Variants in RANBP2 observed in about 807,000 individuals in gnomAD.
RANBP2 encodes RAN binding protein 2, also known as E3 SUMO-protein ligase RanBP2.
A neutral mutation model predicts 303.6 loss-of-function variants in RANBP2; 57 were observed. The ratio of observed to expected loss-of-function variants is 0.19; its 90% CI spans 0.15 to 0.23. The LOEUF is 0.23. Among genes scored for constraint, RANBP2 ranks in the 10% least tolerant of loss-of-function variants. The pLI is 1.00. For synonymous variants in RANBP2, 1,167 were observed against 1,301.5 expected (o/e 0.90, Z 2.23); for missense variants, 3,138 against 3,780.8 (o/e 0.83, Z 4.46).
At chr2:109,407,460 A>T in the RANBP2 span, among the ~76,000 whole-genome samples, 1 of 152,148 alleles carries the variant, frequency 6.6e-6, no homozygotes, top group Non-Finnish European at 1.5e-5. Flanking sequence ...GGGTCTTATT[A>T]TCTCTGCCAC....
chr2:109,251,512 T>C, the RANBP2 span: 12 of 742,444 alleles, frequency 1.6e-5, no homozygotes, highest in Admixed American at 1.6e-4. Context: ...CCAAGGAATA[T>C]TGTGGTCATT....
At chr2:108,748,813 T>C (rs1451889291) in intron 8 of RANBP2, 107 bp from the exon 9 acceptor site, 37 of 1,604,800 alleles carry the variant, frequency 2.3e-5, no homozygotes, top group Non-Finnish European at 2.8e-5. Flanking sequence ...GAGGGTTAGG[T>C]ATGCAGTAAT....
the RANBP2 span, among the ~76,000 whole-genome samples, chr2:109,107,839 G>A: frequency 1.3e-5 from 2 of 151,698 alleles, no homozygotes; most frequent in African/African-American, 2.4e-5. Flanking sequence ...GGGTTCCAGC[G>A]ATTCTCCTGC....
the RANBP2 span, among the ~76,000 whole-genome samples, chr2:109,727,253 G>T: frequency 6.6e-6 from 1 of 152,316 alleles, no homozygotes; most frequent in Non-Finnish European, 1.5e-5. Context: ...CTATGGGGTA[G>T]TCTACCCCAT....
chr2:109,081,032 T>A, the RANBP2 span, among the ~76,000 whole-genome samples: 1 of 152,238 alleles, frequency 6.6e-6, no homozygotes, highest in Non-Finnish European at 1.5e-5. Context: ...TGCATGGCCA[T>A]GCAGCACTTG....
At chr2:109,360,621 A>C in the RANBP2 span, among the ~76,000 whole-genome samples, 24 of 152,340 alleles carry the variant, frequency 1.6e-4, no homozygotes, top group African/African-American at 5.0e-4. Context: ...AATAAAAGAT[A>C]CTCAGCCTGT....
At chr2:109,039,562 G>T in the RANBP2 span, among the ~76,000 whole-genome samples, 1 of 152,234 alleles carries the variant, frequency 6.6e-6, no homozygotes, top group East Asian at 1.9e-4. Context: ...TGTTGGCCAG[G>T]ATGGTCTCGA....
the RANBP2 span, among the ~76,000 whole-genome samples, chr2:109,390,393 T>G: frequency 1.3e-5 from 2 of 152,210 alleles, no homozygotes; most frequent in Admixed American, 6.5e-5. Flanking sequence ...CTCCTGGTAC[T>G]TTTATGGACT....
the RANBP2 span, among the ~76,000 whole-genome samples, chr2:108,830,422 CAA>C: frequency 5.3e-5 from 8 of 152,184 alleles, no homozygotes; most frequent in South Asian, 1.0e-3. Flanking sequence ...GATTTTCCAA[CAA>C]AGTGTCAATT....
the RANBP2 span, among the ~76,000 whole-genome samples, chr2:109,689,178 A>G: frequency 6.6e-6 from 1 of 152,094 alleles, no homozygotes; most frequent in African/African-American, 2.4e-5. Context: ...AAGTGCTGAG[A>G]TTACAGGCGT....
chr2:109,037,320 T>C, the RANBP2 span, among the ~76,000 whole-genome samples: 2 of 123,022 alleles, frequency 1.6e-5, no homozygotes, highest in African/African-American at 6.7e-5. Context: ...CAAGACCATG[T>C]CTCAAAAAAA....
chr2:109,550,079 T>C, the RANBP2 span, among the ~76,000 whole-genome samples: 1 of 151,756 alleles, frequency 6.6e-6, no homozygotes, highest in Non-Finnish European at 1.5e-5. Flanking sequence ...TAACGTGAGG[T>C]CAGGAGTTCG....
chr2:108,961,826 C>G, the RANBP2 span, among the ~76,000 whole-genome samples: 1 of 152,120 alleles, frequency 6.6e-6, no homozygotes, highest in Non-Finnish European at 1.5e-5. Flanking sequence ...GGGAGGGAGA[C>G]CCTTGCTTCA....
chr2:109,309,907 C>A, the RANBP2 span, among the ~76,000 whole-genome samples: 2 of 120,602 alleles, frequency 1.7e-5, 1 homozygote, highest in African/African-American at 8.6e-5. Flanking sequence ...CTTTAACACC[C>A]CACTGTCAAC....
At chr2:109,044,242 C>T in the RANBP2 span, among the ~76,000 whole-genome samples, 112 of 152,032 alleles carry the variant, frequency 7.4e-4, no homozygotes, top group African/African-American at 2.6e-3. Context: ...AAAGTAATAC[C>T]GGGCGCGGTG....
the RANBP2 span, among the ~76,000 whole-genome samples, chr2:109,028,871 G>C: frequency 1.3e-5 from 2 of 152,178 alleles, no homozygotes; most frequent in African/African-American, 4.8e-5. Context: ...GGGACTGTGA[G>C]GGCCAACTGA....
At chr2:109,721,869 G>C in the RANBP2 span, among the ~76,000 whole-genome samples, 3 of 152,288 alleles carry the variant, frequency 2.0e-5, no homozygotes, top group Non-Finnish European at 2.9e-5. Flanking sequence ...CCACCAGCCT[G>C]CCCGTGGGCC....
At chr2:108,942,015 G>A in the RANBP2 span, among the ~76,000 whole-genome samples, 1 of 152,214 alleles carries the variant, frequency 6.6e-6, no homozygotes, top group African/African-American at 2.4e-5. Flanking sequence ...CTTGTGTGAT[G>A]GAAACTCCAC....
At chr2:109,134,793 C>T in the RANBP2 span, among the ~76,000 whole-genome samples, 1 of 152,212 alleles carries the variant, frequency 6.6e-6, no homozygotes, top group South Asian at 2.1e-4. Flanking sequence ...ATTCACCGTG[C>T]CTCACGGCTG....
Sources: gnomAD v4.1 joint callset for allele counts (sites outside exome capture counted in the v4.1 genomes callset) on GRCh38, gnomAD v4.1.1 for gene constraint, MANE v1.5 for transcripts, NCBI Gene and HGNC (gene_info 2026-07-23, HGNC 2026-07-21) for gene names.